NOX4: variants seen among roughly 807,000 people sequenced by gnomAD.
NOX4 encodes the protein NADPH oxidase 4, also known as kidney oxidase-1.
NOX4 carries 69 observed loss-of-function variants against 87.6 expected under a neutral mutation model. The observed-to-expected ratio is 0.79, with a 90% CI of 0.65 to 0.96. The LOEUF (loss-of-function observed/expected upper bound fraction) is 0.96, where lower values mean the gene tolerates loss of function less well. Ranked by LOEUF, NOX4 falls within the 40% of genes least tolerant of loss-of-function variation. The probability of loss-of-function intolerance (pLI) is 0.00; values close to 1 mark genes in which losing one functional copy is unlikely to be tolerated. For synonymous variants in NOX4, 275 were observed against 238.2 expected, an observed-to-expected ratio of 1.15 and a Z score of -1.42; for missense variants, 680 against 681.5, an observed-to-expected ratio of 1.00 and a Z score of 0.02.
intron 2 of NOX4, among the ~76,000 whole-genome samples, chr11:89,486,097 TA>T (rs1457599886): frequency 6.6e-6 from 1 of 151,994 alleles, no homozygotes; most frequent in Non-Finnish European, 1.5e-5. Flanking sequence ...GTATTTTTTT[TA>T]CTCTTTAATT....
intron 1 of NOX4, among the ~76,000 whole-genome samples, chr11:89,497,346 T>G (rs922730332): frequency 6.6e-6 from 1 of 152,206 alleles, no homozygotes; most frequent in African/African-American, 2.4e-5. Flanking sequence ...CGAATCCATG[T>G]TTTCTGGTTG....
At chr11:89,478,574 AAG>A (rs1192152537) in intron 2 of NOX4, among the ~76,000 whole-genome samples, 1 of 152,180 alleles carries the variant, frequency 6.6e-6, no homozygotes, top group Non-Finnish European at 1.5e-5. Flanking sequence ...TGATTTTATC[AAG>A]AATCAGAATG....
At chr11:89,534,272 T>C in the NOX4 span, among the ~76,000 whole-genome samples, 1 of 152,254 alleles carries the variant, frequency 6.6e-6, no homozygotes, top group South Asian at 2.1e-4. Flanking sequence ...CTGAAGTTTA[T>C]GAGCTGGCCT....
the NOX4 span, among the ~76,000 whole-genome samples, chr11:89,527,462 C>T: frequency 1.3e-5 from 2 of 152,146 alleles, no homozygotes; most frequent in Admixed American, 1.3e-4. Flanking sequence ...TGTCAAGGGT[C>T]TTTATAGCAG....
At chr11:89,489,186 A>G (rs1174734627) in intron 2 of NOX4, among the ~76,000 whole-genome samples, 1 of 152,200 alleles carries the variant, frequency 6.6e-6, no homozygotes, top group Non-Finnish European at 1.5e-5. Flanking sequence ...ATATGTGCCA[A>G]TCACTAGTCT....
At chr11:89,457,003 GC>G (rs1945232798) in intron 2 of NOX4, among the ~76,000 whole-genome samples, 1 of 152,116 alleles carries the variant, frequency 6.6e-6, no homozygotes, top group Non-Finnish European at 1.5e-5. Context: ...TTGAAGCACA[GC>G]CTCTGATGGC....
chr11:89,487,018 T>C (rs1946654078), intron 2 of NOX4, among the ~76,000 whole-genome samples: 1 of 152,152 alleles, frequency 6.6e-6, no homozygotes, highest in African/African-American at 2.4e-5. Flanking sequence ...TTAAATTATA[T>C]ATATGACTTG....
chr11:89,490,734 C>T (rs898807716), intron 1 of NOX4, 181 bp from the exon 2 acceptor site: 2 of 702,046 alleles, frequency 2.8e-6, no homozygotes, highest in Non-Finnish European at 5.2e-6. Flanking sequence ...ACAAATCTGA[C>T]TTTACCCAGC....
chr11:89,373,470 G>T lies in NOX4; in HGVS notation c.1097C>A (p.Thr366Lys). ...LTMCPTETKA[T>K]FGVHLKIVGD... ...TACTATTTTAAGATGAACCCCAAAT[G>T]TTGCTTTGGTTTCAGTTGGACACTA... is the stretch of plus-strand genomic sequence containing the variant. Residue 366 changes from threonine (T) to lysine (K), a missense_variant, in exon 12 of 18, where the codon ACA (threonine) becomes AAA (lysine). Physicochemically the swap from Thr to Lys is moderately conservative, Grantham distance 78. Transcript: ENST00000263317. 2 of 1,596,192 alleles carry T rather than the reference G, an allele frequency of 1.3e-6. No homozygotes were observed. Among genetic ancestry groups the T allele is most frequent in the Non-Finnish European group, 1.7e-6 (2 of 1,165,160 alleles).
chr11:89,536,536 G>A, the NOX4 span, among the ~76,000 whole-genome samples: 15 of 152,126 alleles, frequency 9.9e-5, no homozygotes, highest in African/African-American at 3.4e-4. Flanking sequence ...TTGTAGAGCC[G>A]CTGCAAGAAT....
chr11:89,454,263 T>G (rs1945091831), intron 2 of NOX4, among the ~76,000 whole-genome samples: 3 of 152,120 alleles, frequency 2.0e-5, no homozygotes, highest in Non-Finnish European at 4.4e-5. Flanking sequence ...AATATTACCC[T>G]ACATTTTTAT....
intron 12 of NOX4, among the ~76,000 whole-genome samples, chr11:89,356,151 GA>G (rs2134981196): frequency 6.6e-6 from 1 of 152,202 alleles, no homozygotes; most frequent in African/African-American, 2.4e-5. Flanking sequence ...AATTAAAAAG[GA>G]AGGACATGCA....
chr11:89,482,337 G>T (rs1179946761), intron 2 of NOX4, among the ~76,000 whole-genome samples: 1 of 152,102 alleles, frequency 6.6e-6, no homozygotes, highest in East Asian at 1.9e-4. Flanking sequence ...GACTGACAAA[G>T]TTGGTATTTG....
At chr11:89,576,927 A>T in the NOX4 span, 3 of 152,148 alleles carry the variant, frequency 2.0e-5, no homozygotes, top group Non-Finnish European at 1.5e-5. Flanking sequence ...AAATTATGCT[A>T]TTGGTAAATT....
At chr11:89,417,354 G>C (rs1297162243) in intron 8 of NOX4, among the ~76,000 whole-genome samples, 1 of 152,094 alleles carries the variant, frequency 6.6e-6, no homozygotes, top group Non-Finnish European at 1.5e-5. Flanking sequence ...TGTTTGGAAA[G>C]AGGAAATGGT....
chr11:89,451,059 G>C, intron 3 of NOX4, among the ~76,000 whole-genome samples: 1 of 127,158 alleles, frequency 7.9e-6, no homozygotes, highest in South Asian at 2.7e-4. Flanking sequence ...ACCAGGGCCT[G>C]TTGTGGGGTG....
At chr11:89,496,908 C>A (rs1946960450), upstream of NOX4, among the ~76,000 whole-genome samples, 1 of 152,176 alleles carries the variant, frequency 6.6e-6, no homozygotes, top group Non-Finnish European at 1.5e-5. Flanking sequence ...TAATTTTATA[C>A]ATGACAGAAC....
chr11:89,574,984 A>G, the NOX4 span, among the ~76,000 whole-genome samples: 3 of 152,154 alleles, frequency 2.0e-5, 1 homozygote, highest in South Asian at 6.2e-4. Flanking sequence ...GGAGTTTGGG[A>G]CCAGCCTGAC....
the NOX4 span, among the ~76,000 whole-genome samples, chr11:89,572,597 T>C: frequency 1.3e-5 from 2 of 152,218 alleles, no homozygotes; most frequent in Non-Finnish European, 2.9e-5. Flanking sequence ...TCGCCCAGGC[T>C]GGAGTGCAGT....
Sources: gnomAD v4.1 joint callset for allele counts (sites outside exome capture counted in the v4.1 genomes callset) on GRCh38, gnomAD v4.1.1 for gene constraint, MANE v1.5 for transcripts, NCBI Gene and HGNC (gene_info 2026-07-23, HGNC 2026-07-21) for gene names.